PCDHGA2: variants seen among roughly 807,000 people sequenced by gnomAD.
The protein encoded by PCDHGA2 is protocadherin gamma-A2.
Under a neutral mutation model 59.2 loss-of-function variants are expected in PCDHGA2, and 40 were observed. That is an observed-to-expected ratio of 0.68 (90% CI 0.52 to 0.88). PCDHGA2 has a LOEUF of 0.88. PCDHGA2 is among the 40% of genes least tolerant of loss of function. The pLI is 0.00. For synonymous variants in PCDHGA2, 560 were observed against 526.0 expected (o/e 1.06, Z -0.89); for missense variants, 1,226 against 1,204.0 (o/e 1.02, Z -0.27).
chr5:141,372,221 G>A (rs1229058896), intron 1 of PCDHGA2: 1 of 1,613,398 alleles, frequency 6.2e-7, no homozygotes, highest in African/African-American at 1.3e-5. Context: ...ACCACATTGT[G>A]CAGGCCAGCG....
rs185283449 is a variant in PCDHGA2, at chr5:141,339,945, C to T, written c.974C>T (p.Pro325Leu). The change falls in exon 1 of 4, where the codon CCG becomes CTG. Residue 325 changes from proline (P) to leucine (L), a missense_variant. Physicochemically the swap from Pro to Leu is moderately conservative, Grantham distance 98 (BLOSUM62 -3). Transcript: ENST00000394576. ...ATTGATATTGAAGCTCAGGATGGTC[C>T]GGGCCTTCTAACCAGAGCGAAGGTT... is the stretch of plus-strand genomic sequence containing the variant. ...HEIDIEAQDG[P>L]GLLTRAKVIV... 458 of 1,614,056 alleles carry T rather than the reference C, an allele frequency of 2.8e-4. 2 individuals carry two copies. Among genetic ancestry groups the T allele is most frequent in the Non-Finnish European group, 4.3e-5 (51 of 1,179,982 alleles).
chr5:141,400,369 T>C (rs2150855153), intron 1 of PCDHGA2: 2 of 1,614,078 alleles, frequency 1.2e-6, no homozygotes, highest in Admixed American at 3.3e-5. Context: ...GCCTTATTCC[T>C]ACAACCTATG....
intron 1 of PCDHGA2, chr5:141,377,922 C>A (rs1453139299): frequency 6.6e-6 from 1 of 152,166 alleles, no homozygotes; most frequent in East Asian, 1.9e-4. Context: ...TAAAAATCCA[C>A]CTGTAACTGC....
chr5:141,393,052 G>A, intron 1 of PCDHGA2: 1 of 1,613,612 alleles, frequency 6.2e-7, no homozygotes, highest in Non-Finnish European at 8.5e-7. Flanking sequence ...CTGAACCCGC[G>A]CAGCGGCAGC....
At chr5:141,389,785 ACGCCGTC>A (rs1561627912) in intron 1 of PCDHGA2, 1 of 1,613,332 alleles carries the variant, frequency 6.2e-7, no homozygotes. Context: ...GGCGACAGGG[ACGCCGTC>A]CGCCAGCGCC....
chr5:141,396,996 C>G (rs1435849865), intron 1 of PCDHGA2, among the ~76,000 whole-genome samples: 1 of 152,218 alleles, frequency 6.6e-6, no homozygotes, highest in Non-Finnish European at 1.5e-5. Context: ...TTTTATTAAT[C>G]TGACAAATGG....
chr5:141,355,689 T>C (rs755221560), intron 1 of PCDHGA2: 20 of 1,613,838 alleles, frequency 1.2e-5, no homozygotes, highest in Admixed American at 1.7e-5. Context: ...CGGATGTAGG[T>C]GTAAACTCCC....
In PCDHGA2 at chr5:141,487,743, G is replaced by C. The variant is rs1424889718; in HGVS notation, c.2425-7064G>C. The C allele has an allele frequency of 1.9e-6, 3 of 1,559,988 alleles. No homozygotes were observed. Among genetic ancestry groups the C allele is most frequent in the Non-Finnish European group, 2.6e-6 (3 of 1,150,774 alleles). ...AGTGATGTCACCATTTTTGTAAGAG[G>C]TAACTATGTGGTAGACGCTGTGCTT... On this transcript the variant is annotated intron_variant, in intron 1 of 3. Transcript: ENST00000394576. The surrounding 1 kb of genome is among the most constrained non-coding windows in gnomAD (Gnocchi z 5.0).
At position 141,340,484 on chromosome 5, in the gene PCDHGA2, ATC is replaced by A; in HGVS notation, c.1517_1518del (p.Ser506TyrfsTer15). 1 of 1,614,098 alleles carries A rather than the reference ATC, an allele frequency of 6.2e-7. No homozygotes were observed. Among genetic ancestry groups the A allele is most frequent in the Non-Finnish European group, 8.5e-7 (1 of 1,180,018 alleles). On this transcript the variant is annotated frameshift_variant, in exon 1 of 4. Coordinates refer to ENST00000394576, the MANE Select transcript of PCDHGA2 (RefSeq NM_018915.4). LOFTEE classifies it high-confidence loss of function. ...TCAGGGGGCACCCTTATCCTCTTAC[ATC>A]TCTATCAACTCCGACACTGGAGTAC... Reference protein sequence around the residue: ...TVQGAPLSSYISINSDTGVLY... With the variant: ...TVQGAPLSSYXSINSDTGVLY...
chr5:141,427,726 T>G (rs2097061742), intron 1 of PCDHGA2: 1 of 1,155,034 alleles, frequency 8.7e-7, no homozygotes, highest in Non-Finnish European at 1.3e-6. Context: ...GACCTAGGGC[T>G]GAATGGCCAA....
intron 1 of PCDHGA2, chr5:141,390,108 A>G (rs1450933158): frequency 6.2e-7 from 1 of 1,614,030 alleles, no homozygotes; most frequent in Non-Finnish European, 8.5e-7. Context: ...CCCCAACTAC[A>G]GCGAGGGGAC....
At chr5:141,360,144 G>C (rs1761438795) in intron 1 of PCDHGA2, 1 of 1,596,030 alleles carries the variant, frequency 6.3e-7, no homozygotes, top group African/African-American at 1.3e-5. Context: ...AGATGAAAGC[G>C]AGCTCAGGGA....
intron 1 of PCDHGA2, chr5:141,413,841 T>A: frequency 6.2e-7 from 1 of 1,613,060 alleles, no homozygotes; most frequent in Non-Finnish European, 8.5e-7. Flanking sequence ...CCGACGGGGG[T>A]GACCCTCTCC....
rs189915173 is a variant in PCDHGA2 at position 141,359,776 on chromosome 5, C to A, written c.2424+18381C>A. On this transcript the variant is annotated intron_variant, in intron 1 of 3. Transcript: ENST00000394576. ...TCTAAAGCAGAGATGAAAGGAAGAA[C>A]CTATGCTGAATGCATCTTTTGAATT... Among the ~76,000 whole-genome samples, 214 of 152,230 alleles carry A rather than the reference C, an allele frequency of 1.4e-3. 1 individual carries two copies. The highest frequency in any genetic ancestry group is 4.8e-3 in the African/African-American group (200 of 41,544).
At chr5:141,361,866 G>A (rs1284566770) in intron 1 of PCDHGA2, 1 of 1,611,706 alleles carries the variant, frequency 6.2e-7, no homozygotes, top group East Asian at 2.2e-5. Flanking sequence ...TCTTCGATAT[G>A]GTGCCACGCG....
intron 1 of PCDHGA2, chr5:141,359,904 T>C (rs1246134687): frequency 3.7e-5 from 15 of 410,546 alleles, no homozygotes; most frequent in Admixed American, 4.0e-5. Context: ...TGACAAGCCA[T>C]TAGTGCAGTT....
Position 141,394,531 on chromosome 5 carries a change from C to T in PCDHGA2, c.2424+53136C>T, listed in dbSNP as rs1188248060. ...CCCGCCCTCCCCACAGACGGTTCCA[C>T]TGGCGTGGAGCTGGCGCCCCGCTCC... On this transcript the variant is annotated intron_variant, in intron 1 of 3. Transcript: ENST00000394576. 3 of 1,614,224 alleles carry T rather than the reference C, an allele frequency of 1.9e-6. No homozygotes were observed. In the South Asian group the frequency reaches 3.3e-5, roughly 18 times the overall value.
intron 1 of PCDHGA2, chr5:141,419,430 A>T: frequency 1.2e-6 from 2 of 1,613,318 alleles, no homozygotes; most frequent in Non-Finnish European, 1.7e-6. Flanking sequence ...GACCACGAGC[A>T]GCTGCGCACC....
intron 1 of PCDHGA2, among the ~76,000 whole-genome samples, chr5:141,368,814 T>C (rs1765871843): frequency 6.6e-6 from 1 of 152,218 alleles, no homozygotes; most frequent in South Asian, 2.1e-4. Context: ...GAAGTGTTCA[T>C]ACAATGAACA....
Sources: gnomAD v4.1 joint callset for allele counts (sites outside exome capture counted in the v4.1 genomes callset) on GRCh38, gnomAD v4.1.1 for gene constraint, Gnocchi (gnomAD v3.1) non-coding constraint, MANE v1.5 for transcripts, NCBI Gene and HGNC (gene_info 2026-07-23, HGNC 2026-07-21) for gene names.